Variants in EFCAB11 observed in about 807,000 individuals in gnomAD.
The protein encoded by EFCAB11 is EF-hand calcium binding domain 11.
In EFCAB11, 14 loss-of-function variants were observed where a neutral mutation model predicts 23.0. The ratio of observed to expected loss-of-function variants is 0.61; its 90% CI spans 0.40 to 0.95. The LOEUF (loss-of-function observed/expected upper bound fraction) is 0.95, where lower values mean the gene tolerates loss of function less well. Among genes scored for constraint, EFCAB11 ranks in the 40% least tolerant of loss-of-function variants. The pLI, the probability that EFCAB11 is intolerant of heterozygous loss-of-function variation, is 0.00. For synonymous variants in EFCAB11, 65 were observed against 66.6 expected (o/e 0.98, Z 0.11); for missense variants, 198 against 195.8 (o/e 1.01, Z -0.07).
intron 5 of EFCAB11, among the ~76,000 whole-genome samples, chr14:89,861,471 C>G (rs951381184): frequency 6.6e-6 from 1 of 152,212 alleles, no homozygotes; most frequent in African/African-American, 2.4e-5. Flanking sequence ...AGCCTGCAAA[C>G]AGATGAAGAC....
Position 89,950,073 on chromosome 14 carries a change from AATTAAT to A in EFCAB11, c.217+18_217+23del. On this transcript the variant is annotated intron_variant, in intron 3 of 5. Coordinates refer to ENST00000316738, the MANE Select transcript of EFCAB11 (RefSeq NM_145231.4). ...CTCAGTGTCTAAATAAGGTACTAAA[AATTAAT>A]ATTAACTTTCATATTACCAGAAGTA... 1 of 1,525,390 alleles carries A rather than the reference AATTAAT, an allele frequency of 6.6e-7. No homozygotes were observed. The highest frequency in any genetic ancestry group is 8.9e-7 in the Non-Finnish European group (1 of 1,119,646). The allele number at this position is 1,525,390 out of a possible 1,614,324, so 94.5% of individuals were successfully genotyped here.
At chr14:89,919,995 G>C (rs1417021182) in intron 5 of EFCAB11, among the ~76,000 whole-genome samples, 1 of 152,166 alleles carries the variant, frequency 6.6e-6, no homozygotes, top group Non-Finnish European at 1.5e-5. Flanking sequence ...CTTATGAAGA[G>C]AAAGTCATGA....
At chr14:89,842,587 AATATGATATAATATG>A (rs1212562403) in intron 5 of EFCAB11, among the ~76,000 whole-genome samples, 1 of 106,788 alleles carries the variant, frequency 9.4e-6, no homozygotes, top group African/African-American at 3.8e-5. Context: ...AAAATAAATT[AATATGATATAATATG>A]ATATGATATG....
chr14:89,798,747 T>C (rs1473124530), intron 5 of EFCAB11, among the ~76,000 whole-genome samples: 1 of 152,206 alleles, frequency 6.6e-6, no homozygotes, highest in Admixed American at 6.5e-5. Context: ...AGCAAATCCC[T>C]TTGCCTGACT....
chr14:89,895,017 T>C (rs1889112941), intron 5 of EFCAB11, among the ~76,000 whole-genome samples: 1 of 152,222 alleles, frequency 6.6e-6, no homozygotes, highest in African/African-American at 2.4e-5. Context: ...ATTTACTAGC[T>C]GTGTGATCTA....
At chr14:89,863,444 C>T (rs567314247) in intron 5 of EFCAB11, among the ~76,000 whole-genome samples, 13 of 152,350 alleles carry the variant, frequency 8.5e-5, no homozygotes, top group Admixed American at 4.6e-4. Flanking sequence ...CTTTCCTTGC[C>T]AACATCTGAG....
chr14:89,909,778 GC>G (rs1889612317), intron 5 of EFCAB11, among the ~76,000 whole-genome samples: 1 of 152,088 alleles, frequency 6.6e-6, no homozygotes, highest in Non-Finnish European at 1.5e-5. Flanking sequence ...TTGATAGTAG[GC>G]TAACTATGCG....
chr14:89,804,317 AT>A (rs1308303060), intron 5 of EFCAB11, among the ~76,000 whole-genome samples: 8 of 152,220 alleles, frequency 5.3e-5, no homozygotes, highest in Admixed American at 5.2e-4. Context: ...CAGGCTGGTA[AT>A]TAACGCTTAA....
intron 5 of EFCAB11, among the ~76,000 whole-genome samples, chr14:89,879,052 G>A (rs576432361): frequency 2.6e-5 from 4 of 151,908 alleles, no homozygotes; most frequent in South Asian, 2.1e-4. Context: ...TTCTTTTGCC[G>A]AGACATGATC....
intron 5 of EFCAB11, among the ~76,000 whole-genome samples, chr14:89,852,883 A>C (rs1887638939): frequency 6.6e-6 from 1 of 152,080 alleles, no homozygotes; most frequent in Non-Finnish European, 1.5e-5. Flanking sequence ...AACTCTCCTC[A>C]TCTTGGAAAA....
intron 5 of EFCAB11, among the ~76,000 whole-genome samples, chr14:89,854,798 C>T (rs982797869): frequency 6.6e-6 from 1 of 152,090 alleles, no homozygotes; most frequent in African/African-American, 2.4e-5. Flanking sequence ...GTCCATCCAC[C>T]GTGCATCCTG....
intron 3 of EFCAB11, among the ~76,000 whole-genome samples, chr14:89,944,624 T>G (rs1890902294): frequency 6.6e-6 from 1 of 151,934 alleles, no homozygotes; most frequent in African/African-American, 2.4e-5. Context: ...AAAACCCTAA[T>G]GAAAAAAATG....
At chr14:89,852,246 C>A (rs143945344) in intron 5 of EFCAB11, among the ~76,000 whole-genome samples, 80 of 152,304 alleles carry the variant, frequency 5.3e-4, no homozygotes, top group African/African-American at 1.8e-3. Flanking sequence ...TTGAAGCAAT[C>A]TGGACCAGAA....
chr14:89,954,711 C>T lies in EFCAB11; in HGVS notation c.-51G>A. ...CAACCCAACCAGCTACCACCGCTTTCCCAGCCTGGCTGGCAGCCTACCGCG... is the reference window on the plus strand; with the variant it reads ...CAACCCAACCAGCTACCACCGCTTTTCCAGCCTGGCTGGCAGCCTACCGCG... On this transcript the variant is annotated 5_prime_UTR_variant, in exon 1 of 6. Coordinates refer to ENST00000316738, the MANE Select transcript of EFCAB11 (RefSeq NM_145231.4). 1 of 1,585,154 alleles carries T rather than the reference C, an allele frequency of 6.3e-7. No homozygotes were observed.
chr14:89,856,085 G>A (rs1001495174), intron 5 of EFCAB11, among the ~76,000 whole-genome samples: 22 of 151,916 alleles, frequency 1.4e-4, no homozygotes, highest in Admixed American at 3.3e-4. Flanking sequence ...TGCAATTATC[G>A]GCAGATATCT....
intron 5 of EFCAB11, among the ~76,000 whole-genome samples, chr14:89,812,272 A>G (rs891768964): frequency 6.6e-6 from 1 of 152,238 alleles, no homozygotes; most frequent in Non-Finnish European, 1.5e-5. Context: ...TATATAAAGA[A>G]AACTACAGAA....
chr14:89,804,968 T>G (rs1223015665), intron 5 of EFCAB11, among the ~76,000 whole-genome samples: 2 of 152,220 alleles, frequency 1.3e-5, no homozygotes, highest in Non-Finnish European at 2.9e-5. Flanking sequence ...AAGGTATCCC[T>G]GAATATAAGA....
intron 5 of EFCAB11, among the ~76,000 whole-genome samples, chr14:89,825,924 A>G (rs1886676597): frequency 6.6e-6 from 1 of 152,160 alleles, no homozygotes; most frequent in Non-Finnish European, 1.5e-5. Flanking sequence ...ATTACTTCCC[A>G]GGATCATTCA....
intron 5 of EFCAB11, among the ~76,000 whole-genome samples, chr14:89,842,524 G>A (rs1426352985): frequency 3.9e-5 from 6 of 152,156 alleles, no homozygotes. Flanking sequence ...GCAGTGAGCC[G>A]AGATCGTGCC....
Sources: gnomAD v4.1 joint callset for allele counts (sites outside exome capture counted in the v4.1 genomes callset) on GRCh38, gnomAD v4.1.1 for gene constraint, MANE v1.5 for transcripts, NCBI Gene and HGNC (gene_info 2026-07-23, HGNC 2026-07-21) for gene names.